Variants in LRMDA observed in about 807,000 individuals in gnomAD.
The protein encoded by LRMDA is leucine rich melanocyte differentiation associated.
Under a neutral mutation model 29.8 loss-of-function variants are expected in LRMDA, and 18 were observed. The ratio of observed to expected loss-of-function variants is 0.60; its 90% CI spans 0.42 to 0.90. The LOEUF (loss-of-function observed/expected upper bound fraction) is 0.90. Ranked by LOEUF, LRMDA falls within the 40% of genes least tolerant of loss-of-function variation. The probability of loss-of-function intolerance (pLI) is 0.00; values close to 1 mark genes in which losing one functional copy is unlikely to be tolerated. For synonymous variants in LRMDA, 125 were observed against 109.4 expected, an observed-to-expected ratio of 1.14 and a Z score of -0.89; for missense variants, 273 against 273.9, an observed-to-expected ratio of 1.00 and a Z score of 0.02.
At chr10:76,020,658 G>A (rs889375111) in intron 2 of LRMDA, among the ~76,000 whole-genome samples, 7 of 152,338 alleles carry the variant, frequency 4.6e-5, no homozygotes, top group African/African-American at 1.7e-4. Context: ...GAAAGGGCCT[G>A]TGAGAAGAGT....
chr10:75,585,659 T>C (rs1029497361), intron 2 of LRMDA, among the ~76,000 whole-genome samples: 6 of 152,252 alleles, frequency 3.9e-5, no homozygotes, highest in South Asian at 2.1e-4. Flanking sequence ...TATTTATTTA[T>C]ACATTTTATT....
At chr10:76,353,473 C>T (rs529016128) in intron 6 of LRMDA, among the ~76,000 whole-genome samples, 1 of 152,156 alleles carries the variant, frequency 6.6e-6, no homozygotes, top group African/African-American at 2.4e-5. Flanking sequence ...TGAAGTAGTC[C>T]TGACAAATAC....
chr10:75,591,973 G>A (rs1840729025), intron 2 of LRMDA, among the ~76,000 whole-genome samples: 1 of 151,986 alleles, frequency 6.6e-6, no homozygotes, highest in African/African-American at 2.4e-5. Context: ...AGATGGTGGG[G>A]GTGGTATGGA....
At position 75,524,634 on chromosome 10, in the gene LRMDA, G is replaced by A. The variant is rs539275645; in HGVS notation, c.131+86140G>A. Among the ~76,000 whole-genome samples the A allele has an allele frequency of 4.8e-4, 73 of 152,296 alleles. No homozygotes were observed. The South Asian group carries it at 0.014, about 30-fold the overall frequency. On this transcript the variant is annotated intron_variant, in intron 2 of 6. Coordinates refer to ENST00000611255, the MANE Select transcript of LRMDA (RefSeq NM_001305581.2). ...TAATGGAGTTCTCTGTGTATATGGT[G>A]TCTTCTTCACAACTTGGCCTATGTA...
intron 2 of LRMDA, among the ~76,000 whole-genome samples, chr10:75,679,425 A>G (rs932294878): frequency 2.0e-5 from 3 of 152,156 alleles, no homozygotes; most frequent in African/African-American, 7.2e-5. Flanking sequence ...CAGAGAGCTC[A>G]TTAGTGGCAG....
At chr10:75,968,862 G>A (rs1473191469) in intron 2 of LRMDA, among the ~76,000 whole-genome samples, 1 of 152,136 alleles carries the variant, frequency 6.6e-6, no homozygotes, top group Non-Finnish European at 1.5e-5. Context: ...AACCTTGAGG[G>A]TACTATAGCT....
chr10:76,044,906 GTTTCCCTCTCTTGCTAGT>G (rs1848405538), intron 3 of LRMDA, among the ~76,000 whole-genome samples: 1 of 152,150 alleles, frequency 6.6e-6, no homozygotes, highest in Non-Finnish European at 1.5e-5. Context: ...CCTCTTGCTA[GTTTCCCTCTCTTGCTAGT>G]TTCCCCTCTC....
chr10:75,643,777 A>G (rs2132121364), intron 2 of LRMDA, among the ~76,000 whole-genome samples: 1 of 152,316 alleles, frequency 6.6e-6, no homozygotes, highest in South Asian at 2.1e-4. Context: ...AAATGATGAT[A>G]TGCTTTTTTA....
chr10:75,707,013 T>C (rs1842378438), intron 2 of LRMDA, among the ~76,000 whole-genome samples: 1 of 152,216 alleles, frequency 6.6e-6, no homozygotes, highest in Admixed American at 6.5e-5. Flanking sequence ...TGCATACCCC[T>C]CTTTATGCAA....
chr10:75,872,862 G>A (rs1342009404), intron 2 of LRMDA, among the ~76,000 whole-genome samples: 1 of 151,998 alleles, frequency 6.6e-6, no homozygotes, highest in African/African-American at 2.4e-5. Flanking sequence ...GCTTTATGTA[G>A]CATAATTTTA....
At chr10:75,886,170 A>G (rs939190577) in intron 2 of LRMDA, among the ~76,000 whole-genome samples, 3 of 152,354 alleles carry the variant, frequency 2.0e-5, no homozygotes, top group Non-Finnish European at 2.9e-5. Flanking sequence ...ATTGGTCTGC[A>G]GATGGTTTCT....
chr10:75,881,903 C>T lies in LRMDA; in HGVS notation c.132-154105C>T, dbSNP rs76143579. ...ACCTAGACAACTTGCAGTCAAGACCCTCTCCTGGTAACAACAGGGGCTAAG... is the reference window on the plus strand; with the variant it reads ...ACCTAGACAACTTGCAGTCAAGACCTTCTCCTGGTAACAACAGGGGCTAAG... On this transcript the variant is annotated intron_variant, in intron 2 of 6. Coordinates refer to ENST00000611255, the MANE Select transcript of LRMDA (RefSeq NM_001305581.2). Among the ~76,000 whole-genome samples the T allele has an allele frequency of 0.031, 4,713 of 152,328 alleles. 355 individuals carry two copies. In the East Asian group the frequency reaches 0.31, roughly 10 times the overall value.
chr10:75,933,692 A>G (rs750541361), intron 2 of LRMDA, among the ~76,000 whole-genome samples: 4 of 152,112 alleles, frequency 2.6e-5, no homozygotes, highest in Non-Finnish European at 4.4e-5. Context: ...TATATGGAGG[A>G]TTGGTGAGAC....
Position 75,570,469 on chromosome 10 carries a change from A to C in LRMDA, c.131+131975A>C, listed in dbSNP as rs1017987297. Among the ~76,000 whole-genome samples the C allele has an allele frequency of 2.0e-5, 3 of 152,120 alleles. No individual in the cohort carries two copies. The South Asian group carries it at 6.2e-4, about 32-fold the overall frequency. On this transcript the variant is annotated intron_variant, in intron 2 of 6. Transcript: ENST00000611255. ...CTTTTAGTATGAATGTAATTTCTAG[A>C]ATTTATATGAACTGGGTGTGATGTA...
At chr10:76,205,350 C>T (rs1178109059) in intron 5 of LRMDA, among the ~76,000 whole-genome samples, 1 of 152,042 alleles carries the variant, frequency 6.6e-6, no homozygotes, top group Non-Finnish European at 1.5e-5. Context: ...TAAAACAGAC[C>T]CCATCATCCA....
At chr10:76,358,450 A>G (rs1294884570) in intron 6 of LRMDA, among the ~76,000 whole-genome samples, 1 of 152,206 alleles carries the variant, frequency 6.6e-6, no homozygotes, top group Admixed American at 6.5e-5. Context: ...TGAGCCTAAC[A>G]GCAACCAAAC....
At chr10:76,493,211 A>G (rs1484928888) in intron 6 of LRMDA, among the ~76,000 whole-genome samples, 4 of 152,076 alleles carry the variant, frequency 2.6e-5, no homozygotes, top group Admixed American at 6.6e-5. Context: ...CACTCAAACC[A>G]TGAAACAAAG....
chr10:75,863,209 A>G (rs1844961644), intron 2 of LRMDA, among the ~76,000 whole-genome samples: 2 of 152,166 alleles, frequency 1.3e-5, no homozygotes, highest in African/African-American at 4.8e-5. Flanking sequence ...CTTTACAGTT[A>G]AAGCTTTATT....
In LRMDA at chr10:75,568,006, G is replaced by C. The variant is rs575877763; in HGVS notation, c.131+129512G>C. On this transcript the variant is annotated intron_variant, in intron 2 of 6. Transcript: ENST00000611255. ...ACAAGCACATTATCTTGAAAAAGGA[G>C]CAAGGCTACACCTAGGATATCGTGT... 2.3e-4 allele frequency among the ~76,000 whole-genome samples: 35 copies of C among 152,308 alleles called. No homozygotes were observed. In the South Asian group the frequency reaches 2.9e-3, roughly 13 times the overall value.
Sources: gnomAD v4.1 joint callset for allele counts (sites outside exome capture counted in the v4.1 genomes callset) on GRCh38, gnomAD v4.1.1 for gene constraint, MANE v1.5 for transcripts, NCBI Gene and HGNC (gene_info 2026-07-23, HGNC 2026-07-21) for gene names.